The following KLHDC2 variants were observed in gnomAD, a reference collection of about 807,000 sequenced individuals.
KLHDC2 encodes the protein kelch domain containing 2, also known as kelch domain-containing protein 2.
Under a neutral mutation model 62.3 loss-of-function variants are expected in KLHDC2, and 38 were observed. The observed-to-expected ratio is 0.61, with a 90% CI of 0.47 to 0.80. The LOEUF (loss-of-function observed/expected upper bound fraction) is 0.80. Ranked by LOEUF, KLHDC2 falls within the 30% of genes least tolerant of loss-of-function variation. The pLI, the probability that KLHDC2 is intolerant of heterozygous loss-of-function variation, is 0.00. For missense variants in KLHDC2, 430 were observed against 495.3 expected (o/e 0.87, Z 1.25); for synonymous variants, 159 against 161.0 (o/e 0.99, Z 0.09).
intron 8 of KLHDC2, 119 bp from the exon 9 acceptor site, chr14:49,780,094 G>A: frequency 1.5e-6 from 1 of 686,208 alleles, no homozygotes. Flanking sequence ...ATACCAAGAA[G>A]CCTTTTTAAA....
rs760771085 is a variant in KLHDC2 at position 49,782,848 on chromosome 14, C to T, written c.1116C>T (p.Val372=). The change falls in exon 13 of 13, where the codon GTC becomes GTT. Residue 372 remains valine, a synonymous_variant. Coordinates refer to ENST00000298307, the MANE Select transcript of KLHDC2 (RefSeq NM_014315.3). ...CTTTCAGGCTAAGCTTAGAAGCAGT[C>T]ATTTGCTTTAAAGAAATGTTAGCCA... ...KSLVRLSLEA[V]ICFKEMLANS... is the part of the protein sequence containing the mutation. 5.0e-5 allele frequency: 80 copies of T among 1,613,590 alleles called. No homozygotes were observed. The South Asian group carries it at 8.3e-4, about 17-fold the overall frequency.
At chr14:49,769,340 C>T (rs1459978485) in intron 1 of KLHDC2, among the ~76,000 whole-genome samples, 1 of 152,136 alleles carries the variant, frequency 6.6e-6, no homozygotes, top group Non-Finnish European at 1.5e-5. Flanking sequence ...CATTCTTTAC[C>T]CTGCTAACCT....
chr14:49,776,805 G>C, intron 3 of KLHDC2, among the ~76,000 whole-genome samples: 1 of 144,470 alleles, frequency 6.9e-6, no homozygotes, highest in Non-Finnish European at 1.5e-5. Flanking sequence ...TGTAATCCTA[G>C]CTAGTCGGGT....
At chr14:49,782,113 C>G (rs1889930654) in intron 10 of KLHDC2, 2 of 431,552 alleles carry the variant, frequency 4.6e-6, no homozygotes, top group Admixed American at 4.1e-5. Context: ...TAACAAAGAC[C>G]TAGAGAACAG....
intron 2 of KLHDC2, among the ~76,000 whole-genome samples, 198 bp downstream of exon 2, chr14:49,771,871 A>AT (rs1351146737): frequency 2.0e-5 from 3 of 152,266 alleles, no homozygotes; most frequent in African/African-American, 7.2e-5. Context: ...TGGCGTGCTA[A>AT]TTCCAGCTAC....
rs1890078459 is a variant in KLHDC2 at position 49,784,747 on chromosome 14, C to T, written c.*1794C>T. The T allele has an allele frequency of 5.2e-6, 8 of 1,543,526 alleles. No individual in the cohort carries two copies. In the East Asian group the frequency reaches 1.6e-4, roughly 30 times the overall value. On this transcript the variant is annotated 3_prime_UTR_variant, in exon 13 of 13. Coordinates refer to ENST00000298307, the MANE Select transcript of KLHDC2 (RefSeq NM_014315.3). ...AGAAAATTGCTGAATATCTTCACATCCTGTATGGTCAATCATGTTTCTTTT... is the reference window on the plus strand; with the variant it reads ...AGAAAATTGCTGAATATCTTCACATTCTGTATGGTCAATCATGTTTCTTTT...
chr14:49,779,819 T>G lies in KLHDC2; in HGVS notation c.773+13T>G, dbSNP rs1050858590. 20 of 1,589,226 alleles carry G rather than the reference T, an allele frequency of 1.3e-5. No individual in the cohort carries two copies. The highest frequency in any genetic ancestry group is 1.7e-5 in the Non-Finnish European group (20 of 1,159,418). On this transcript the variant is annotated intron_variant, in intron 8 of 12. Transcript: ENST00000298307. ...AGTGGAATGAATTGTAGGTATCACT[T>G]TAGATACATTTTTCCAAAATTCAGA...
chr14:49,780,167 T>C (rs751372578), intron 8 of KLHDC2, 46 bp from the exon 9 acceptor site: 21 of 1,180,850 alleles, frequency 1.8e-5, no homozygotes, highest in Middle Eastern at 3.8e-4. Context: ...AAAAATACAG[T>C]AGCTGCTTCT....
At chr14:49,770,962 C>T (rs1889650950) in intron 1 of KLHDC2, among the ~76,000 whole-genome samples, 1 of 152,248 alleles carries the variant, frequency 6.6e-6, no homozygotes, top group Non-Finnish European at 1.5e-5. Context: ...CAGTAACAGC[C>T]TGCTGACCAT....
intron 2 of KLHDC2, 105 bp downstream of exon 2, chr14:49,771,778 G>C: frequency 1.6e-6 from 1 of 634,432 alleles, no homozygotes; most frequent in South Asian, 1.8e-5. Context: ...CAACGCGGGC[G>C]GATCTCTCGA....
At chr14:49,768,724 C>A in intron 1 of KLHDC2, 103 bp downstream of exon 1, 2 of 1,109,094 alleles carry the variant, frequency 1.8e-6, no homozygotes, top group Non-Finnish European at 2.4e-6. Context: ...GGGCGCTCCC[C>A]GCCTGCGTCG....
chr14:49,776,297 A>G (rs1420242652), intron 3 of KLHDC2, among the ~76,000 whole-genome samples: 1 of 152,196 alleles, frequency 6.6e-6, no homozygotes, highest in Non-Finnish European at 1.5e-5. Context: ...TTATGGAGGT[A>G]GTTACAGAAA....
chr14:49,768,259 C>T lies in KLHDC2; in HGVS notation c.-210C>T, dbSNP rs1594696099. ...CCGGCTCCGCTCGCGGCCCCTCTGT[C>T]TGCAGGCGTGCCCCGGCGGCGGCGG... On this transcript the variant is annotated 5_prime_UTR_variant, in exon 1 of 13. Transcript: ENST00000298307. The T allele has an allele frequency of 4.0e-6, 2 of 497,246 alleles. No individual in the cohort carries two copies. The allele number at this position is 497,246 out of a possible 1,614,324, so 30.8% of individuals were successfully genotyped here. A position where few individuals can be genotyped will look rare whatever the true frequency, so the allele number is the denominator to read the frequency against.
chr14:49,770,850 A>ATTTGCAGTTCTGCCCTCTCTATTGC (rs1889648347), intron 1 of KLHDC2, among the ~76,000 whole-genome samples: 1 of 152,228 alleles, frequency 6.6e-6, no homozygotes, highest in Non-Finnish European at 1.5e-5. Flanking sequence ...TATTTTGCAT[A>ATTTGCAGTTCTGCCCTCTCTATTGC]TTTGCAGTTC....
chr14:49,771,514 A>G, intron 1 of KLHDC2, 80 bp from the exon 2 acceptor site: 1 of 683,006 alleles, frequency 1.5e-6, no homozygotes, highest in African/African-American at 1.8e-5. Flanking sequence ...TGAAATTAGT[A>G]TCTCAAGATC....
chr14:49,777,979 G>C, intron 4 of KLHDC2, 25 bp downstream of exon 4: 1 of 1,403,572 alleles, frequency 7.1e-7, no homozygotes, highest in Non-Finnish European at 1.0e-6. Context: ...CTACAGGTTT[G>C]GGTTTTTATG....
At chr14:49,780,669 A>G in intron 9 of KLHDC2, 34 bp from the exon 10 acceptor site, 1 of 1,376,644 alleles carries the variant, frequency 7.3e-7, no homozygotes, top group Non-Finnish European at 1.0e-6. Context: ...TCATATTGAC[A>G]GACTAACATA....
chr14:49,779,588 C>T lies in KLHDC2; in HGVS notation c.634-7C>T. 6.2e-7 allele frequency: 1 copy of T among 1,612,648 alleles called. No homozygotes were observed. Among genetic ancestry groups the T allele is most frequent in the Non-Finnish European group, 8.5e-7 (1 of 1,178,848 alleles). On this transcript the variant is annotated splice_polypyrimidine_tract_variant and splice_region_variant and intron_variant, in intron 6 of 12. Transcript: ENST00000298307. ...AGTTCACTAACTTGCTTATGTGCCTCTAATAGGGTAAAGCACCTTCACCTC... is the reference window on the plus strand; with the variant it reads ...AGTTCACTAACTTGCTTATGTGCCTTTAATAGGGTAAAGCACCTTCACCTC...
In KLHDC2 at chr14:49,768,344, A is replaced by G. The variant is rs1889586652; in HGVS notation, c.-125A>G. ...GAGCGCAGGCGGCAGAGAGGCCTCA[A>G]CGCCGTCCCTTTCGCCACCGCCTTT... On this transcript the variant is annotated 5_prime_UTR_variant, in exon 1 of 13. Transcript: ENST00000298307. The G allele has an allele frequency of 3.5e-6, 4 of 1,132,728 alleles. No homozygotes were observed. Among genetic ancestry groups the G allele is most frequent in the Non-Finnish European group, 5.0e-6 (4 of 807,994 alleles). 70.2% of individuals were successfully genotyped at this position (1,132,728 alleles called of 1,614,324 possible).
Sources: gnomAD v4.1 joint callset for allele counts (sites outside exome capture counted in the v4.1 genomes callset) on GRCh38, gnomAD v4.1.1 for gene constraint, MANE v1.5 for transcripts, NCBI Gene and HGNC (gene_info 2026-07-23, HGNC 2026-07-21) for gene names.